PDE6A: variants seen among roughly 807,000 people sequenced by gnomAD.
The protein encoded by PDE6A is phosphodiesterase 6A, also known as rod cGMP-specific 3',5'-cyclic phosphodiesterase subunit alpha.
In PDE6A, 84 loss-of-function variants were observed where a neutral mutation model predicts 106.3. The observed-to-expected ratio is 0.79, with a 90% CI of 0.66 to 0.95. The LOEUF (loss-of-function observed/expected upper bound fraction) is 0.95, where lower values mean the gene tolerates loss of function less well. PDE6A is among the 40% of genes least tolerant of loss of function. PDE6A has a pLI of 0.00. For missense variants in PDE6A, 1,052 were observed against 1,084.9 expected, an observed-to-expected ratio of 0.97 and a Z score of 0.43; for synonymous variants, 394 against 386.6, an observed-to-expected ratio of 1.02 and a Z score of -0.23.
At chr5:149,913,887 CA>C (rs1287327041) in intron 6 of PDE6A, among the ~76,000 whole-genome samples, 1 of 152,204 alleles carries the variant, frequency 6.6e-6, no homozygotes. Context: ...TTCTAATGGT[CA>C]TTGAGTCTCA....
chr5:149,922,954 A>G (rs1306380371), intron 4 of PDE6A, among the ~76,000 whole-genome samples: 2 of 152,254 alleles, frequency 1.3e-5, no homozygotes, highest in Non-Finnish European at 2.9e-5. Flanking sequence ...ATTTAGGAGT[A>G]TATTACTGTA....
chr5:149,936,317 G>A (rs1754184424), intron 1 of PDE6A, among the ~76,000 whole-genome samples: 1 of 152,194 alleles, frequency 6.6e-6, no homozygotes, highest in African/African-American at 2.4e-5. Flanking sequence ...GAAGGGTAAA[G>A]GAATTAAGAG....
At chr5:149,921,829 G>T in intron 4 of PDE6A, 120 bp from the exon 5 acceptor site, 1 of 804,706 alleles carries the variant, frequency 1.2e-6, no homozygotes, top group Non-Finnish European at 2.1e-6. Flanking sequence ...AGAACTCAGT[G>T]AAACCTAAAC....
chr5:149,884,924 A>C, intron 14 of PDE6A, 57 bp from the exon 15 acceptor site: 1 of 1,323,550 alleles, frequency 7.6e-7, no homozygotes, highest in Non-Finnish European at 1.1e-6. Context: ...TTAGGACTAA[A>C]CATCAAGTCT....
At chr5:149,887,788 G>A (rs1752369987) in intron 13 of PDE6A, among the ~76,000 whole-genome samples, 1 of 151,440 alleles carries the variant, frequency 6.6e-6, no homozygotes, top group South Asian at 2.1e-4. Flanking sequence ...GCCTCATCAT[G>A]AGAACATCTT....
Position 149,863,182 on chromosome 5 carries a change from C to T in PDE6A, c.2443G>A (p.Glu815Lys). The T allele has an allele frequency of 3.1e-6, 5 of 1,614,222 alleles. No individual in the cohort carries two copies. Among genetic ancestry groups the T allele is most frequent in the Non-Finnish European group, 3.4e-6 (4 of 1,180,040 alleles). Residue 815 changes from glutamate to lysine, a missense_variant, in exon 21 of 22, where the codon GAG becomes AAG. Around this residue, in one of 3 missense-constraint regions of PDE6A, gnomAD observed 135 missense variants for 153.2 expected, o/e 0.88. Coordinates refer to ENST00000255266, the MANE Select transcript of PDE6A (RefSeq NM_000440.3). This position sits in a 1 kb window ranked among gnomAD's most constrained non-coding sequence, Gnocchi z 4.7. The part of the protein sequence containing the change: ...NRKEWKALAD[E>K]YDAKMKVQEE... ...TGCACCTTCATCTTGGCATCGTACT[C>T]ATCAGCAAGCGCCTTCCACTCCTTG... is the stretch of plus-strand genomic sequence containing the variant.
At chr5:149,932,656 A>G in intron 3 of PDE6A, 2 of 1,613,236 alleles carry the variant, frequency 1.2e-6, no homozygotes, top group Non-Finnish European at 1.7e-6. Flanking sequence ...GAATTCGACT[A>G]ATTTCTGCCA....
intron 20 of PDE6A, among the ~76,000 whole-genome samples, chr5:149,865,628 C>T (rs769743447): frequency 1.3e-5 from 2 of 152,178 alleles, no homozygotes; most frequent in Non-Finnish European, 2.9e-5. Context: ...TGGGCTAAAT[C>T]CTGCCTTATG....
At chr5:149,883,386 C>A (rs759428024) in intron 17 of PDE6A, 43 bp downstream of exon 17, 4 of 1,331,268 alleles carry the variant, frequency 3.0e-6, no homozygotes, top group Admixed American at 1.7e-5. Flanking sequence ...GCCTCATGAT[C>A]CTAAGCCTAA....
chr5:149,867,411 T>C (rs1760369701), intron 19 of PDE6A: 1 of 474,252 alleles, frequency 2.1e-6, no homozygotes, highest in Non-Finnish European at 3.9e-6. Flanking sequence ...TGCCAACCTC[T>C]AGGGTTGAGT....
intron 5 of PDE6A, 99 bp from the exon 6 acceptor site, chr5:149,915,106 C>T: frequency 1.4e-6 from 1 of 697,316 alleles, no homozygotes; most frequent in Non-Finnish European, 2.4e-6. Context: ...TTGATCTCAG[C>T]TCACTGCAAC....
intron 3 of PDE6A, chr5:149,931,952 G>C: frequency 1.8e-6 from 2 of 1,126,886 alleles, no homozygotes; most frequent in Non-Finnish European, 1.3e-6. Flanking sequence ...AAAGAAGTTT[G>C]CAAATCTTTT....
chr5:149,875,577 C>T (rs1296154616), intron 17 of PDE6A, among the ~76,000 whole-genome samples: 2 of 150,938 alleles, frequency 1.3e-5, no homozygotes, highest in Non-Finnish European at 2.9e-5. Context: ...GCAGCCTCAA[C>T]CTCTCGGGCT....
rs950192638 is a variant in PDE6A, at chr5:149,858,491, C to T, written c.*2404G>A. 1 of 152,254 alleles carries T rather than the reference C, an allele frequency of 6.6e-6. No homozygotes were observed. The highest frequency in any genetic ancestry group is 1.5e-5 in the Non-Finnish European group (1 of 68,096). The allele number at this position is 152,254 out of a possible 1,614,324, so 9.4% of individuals were successfully genotyped here. A position where few individuals can be genotyped will look rare whatever the true frequency, so the allele number is the denominator to read the frequency against. ...AGATTCGGTTTAAAAGAAATAAGTC[C>T]TGGCCAGGTGCAGTGGCTCACGCCT... On this transcript the variant is annotated 3_prime_UTR_variant, in exon 22 of 22. Transcript: ENST00000255266.
intron 5 of PDE6A, among the ~76,000 whole-genome samples, chr5:149,917,246 C>A (rs1753584755): frequency 6.6e-6 from 1 of 151,780 alleles, no homozygotes; most frequent in Non-Finnish European, 1.5e-5. Context: ...GCCTGCACTC[C>A]CCTTTCTTGA....
At chr5:149,869,317 G>A (rs1355060863) in intron 17 of PDE6A, among the ~76,000 whole-genome samples, 53 of 140,108 alleles carry the variant, frequency 3.8e-4, no homozygotes, top group African/African-American at 1.3e-3. Flanking sequence ...GCGACAGATC[G>A]AGACTCCATA....
chr5:149,920,086 G>A (rs568711808), intron 5 of PDE6A, among the ~76,000 whole-genome samples: 3 of 152,202 alleles, frequency 2.0e-5, no homozygotes, highest in East Asian at 3.9e-4. Context: ...TCAGCACTTT[G>A]GGAGCTCAAG....
At chr5:149,926,850 G>A (rs1178155125) in intron 4 of PDE6A, among the ~76,000 whole-genome samples, 1 of 151,698 alleles carries the variant, frequency 6.6e-6, no homozygotes, top group Non-Finnish European at 1.5e-5. Context: ...TGGTGGTGGG[G>A]GCCTGTAATC....
chr5:149,883,777 G>A (rs1336057276), intron 16 of PDE6A, among the ~76,000 whole-genome samples: 2 of 152,184 alleles, frequency 1.3e-5, no homozygotes, highest in Non-Finnish European at 2.9e-5. Context: ...TGTACAGCGG[G>A]GGTAATGATA....
Sources: allele counts gnomAD v4.1 joint callset (sites outside exome capture counted in the v4.1 genomes callset), GRCh38; gene constraint gnomAD v4.1.1; regional missense constraint gnomAD v4.1.1; non-coding constraint Gnocchi (gnomAD v3.1); transcripts MANE v1.5; gene names NCBI Gene and HGNC (gene_info 2026-07-23, HGNC 2026-07-21).